Variants in PTPRN2 observed in about 807,000 individuals in gnomAD.
PTPRN2 encodes the protein protein tyrosine phosphatase receptor type N2, also known as receptor-type tyrosine-protein phosphatase N2.
Under a neutral mutation model 118.8 loss-of-function variants are expected in PTPRN2, and 74 were observed. The ratio of observed to expected loss-of-function variants is 0.62; its 90% confidence interval spans 0.52 to 0.76. The LOEUF (loss-of-function observed/expected upper bound fraction) is 0.76, where lower values mean the gene tolerates loss of function less well. Ranked by LOEUF, PTPRN2 falls within the 30% of genes least tolerant of loss-of-function variation. PTPRN2 has a pLI of 0.00. For synonymous variants in PTPRN2, 641 were observed against 608.0 expected, an observed-to-expected ratio of 1.05 and a Z score of -0.80; for missense variants, 1,481 against 1,394.4, an observed-to-expected ratio of 1.06 and a Z score of -0.99.
At chr7:158,210,229 G>A (rs1402133424) in intron 3 of PTPRN2, among the ~76,000 whole-genome samples, 12 of 140,974 alleles carry the variant, frequency 8.5e-5, no homozygotes, top group Non-Finnish European at 1.5e-4. Context: ...TCCGCCTCCC[G>A]GGTTCACGCC....
At chr7:157,948,864 T>C (rs1255223897) in intron 11 of PTPRN2, among the ~76,000 whole-genome samples, 2 of 152,204 alleles carry the variant, frequency 1.3e-5, no homozygotes, top group Admixed American at 6.5e-5. Flanking sequence ...ACAAGATGTG[T>C]TTGAATCATG....
chr7:158,027,117 C>G (rs1807335065), intron 11 of PTPRN2, among the ~76,000 whole-genome samples: 1 of 152,208 alleles, frequency 6.6e-6, no homozygotes, highest in African/African-American at 2.4e-5. Flanking sequence ...CCCACCCCAG[C>G]CCCAGGCAGA....
At chr7:158,331,060 C>T (rs200956073) in intron 2 of PTPRN2, among the ~76,000 whole-genome samples, 17 of 143,464 alleles carry the variant, frequency 1.2e-4, no homozygotes, top group African/African-American at 3.4e-4. Flanking sequence ...GCAGACGTCA[C>T]TCACACCCAC....
chr7:158,505,673 G>A (rs1822691956), intron 1 of PTPRN2, among the ~76,000 whole-genome samples: 1 of 147,006 alleles, frequency 6.8e-6, no homozygotes, highest in Non-Finnish European at 1.5e-5. Flanking sequence ...ATGGGGAGAG[G>A]AAGAGGAAGA....
At chr7:158,113,707 G>C (rs1241098173) in intron 9 of PTPRN2, among the ~76,000 whole-genome samples, 1 of 152,184 alleles carries the variant, frequency 6.6e-6, no homozygotes, top group Non-Finnish European at 1.5e-5. Flanking sequence ...TGGGGACAGA[G>C]AGACGCATTG....
At chr7:158,244,827 A>G (rs1796109519) in intron 3 of PTPRN2, among the ~76,000 whole-genome samples, 1 of 92,150 alleles carries the variant, frequency 1.1e-5, no homozygotes, top group African/African-American at 4.4e-5. Context: ...TATGAGTGTG[A>G]GTTGTGCACA....
At chr7:157,882,592 G>A (rs770905821) in intron 12 of PTPRN2, among the ~76,000 whole-genome samples, 3 of 147,372 alleles carry the variant, frequency 2.0e-5, no homozygotes, top group Non-Finnish European at 4.5e-5. Flanking sequence ...AATGACTGTC[G>A]AAGACCAGAA....
At chr7:158,117,340 A>T (rs1391961485) in intron 9 of PTPRN2, among the ~76,000 whole-genome samples, 1 of 152,190 alleles carries the variant, frequency 6.6e-6, no homozygotes, top group Non-Finnish European at 1.5e-5. Flanking sequence ...GTGAACTTGA[A>T]GATAGGACAA....
intron 12 of PTPRN2, among the ~76,000 whole-genome samples, chr7:157,760,326 G>C (rs909277047): frequency 6.6e-6 from 1 of 151,764 alleles, no homozygotes; most frequent in African/African-American, 2.4e-5. Flanking sequence ...GCTTTGCAGA[G>C]AAGTGAACTC....
intron 12 of PTPRN2, among the ~76,000 whole-genome samples, chr7:157,822,104 CCATCCACT>C (rs1806880410): frequency 6.6e-6 from 1 of 152,014 alleles, no homozygotes; most frequent in Non-Finnish European, 1.5e-5. Context: ...ATACACTCAT[CCATCCACT>C]CATCCACTAT....
rs1306579951 is a variant in PTPRN2 at position 158,274,187 on chromosome 7, C to T, written c.277+42632G>A. 4.0e-5 allele frequency among the ~76,000 whole-genome samples: 4 copies of T among 99,682 alleles called. No homozygotes were observed. In the East Asian group the frequency reaches 9.0e-4, roughly 23 times the overall value. 65.4% of individuals were successfully genotyped at this position (99,682 alleles called of 152,430 possible). A position where few individuals can be genotyped will look rare whatever the true frequency, so the allele number is the denominator to read the frequency against. On this transcript the variant is annotated intron_variant, in intron 3 of 22. Transcript: ENST00000389418. ...AGCCGCAGACACAGGAGGAGACACA[C>T]GAGGAGCCGCAGACACAGGGGGAGC...
intron 14 of PTPRN2, among the ~76,000 whole-genome samples, chr7:157,624,294 G>A (rs756103895): frequency 1.3e-5 from 2 of 151,998 alleles, no homozygotes; most frequent in East Asian, 1.9e-4. Flanking sequence ...GGTGGCGGGC[G>A]CCTCTAAGCC....
At chr7:158,216,437 T>TA (rs530293497) in intron 3 of PTPRN2, among the ~76,000 whole-genome samples, 195 of 151,854 alleles carry the variant, frequency 1.3e-3, no homozygotes, top group African/African-American at 4.2e-3. Context: ...GGGTTTTTTT[T>TA]AAAAAAAGAC....
chr7:157,898,621 C>A, intron 12 of PTPRN2, 52 bp downstream of exon 12: 1 of 1,504,152 alleles, frequency 6.6e-7, no homozygotes, highest in South Asian at 1.1e-5. Context: ...TTCGCCAGCA[C>A]CCAGACAGCA....
intron 19 of PTPRN2, 140 bp downstream of exon 19, chr7:157,576,473 C>G: frequency 3.4e-6 from 3 of 878,264 alleles, no homozygotes; most frequent in Non-Finnish European, 1.7e-6. Context: ...TCCCGCCTCT[C>G]GCTTCCCTTC....
rs771068469 is a variant in PTPRN2, at chr7:157,987,615, G to C, written c.1724-88878C>G. 6.6e-6 allele frequency among the ~76,000 whole-genome samples: 1 copy of C among 152,144 alleles called. No homozygotes were observed. Among genetic ancestry groups the C allele is most frequent in the Non-Finnish European group, 1.5e-5 (1 of 68,028 alleles). ...TGGATGCTGAATAGCTGGAGGAAGCGGCCTGCTGGTTTTGTTCACACTGGG... is the reference window on the plus strand; with the variant it reads ...TGGATGCTGAATAGCTGGAGGAAGCCGCCTGCTGGTTTTGTTCACACTGGG... On this transcript the variant is annotated intron_variant, in intron 11 of 22. Coordinates refer to ENST00000389418, the MANE Select transcript of PTPRN2 (RefSeq NM_002847.5). The surrounding 1 kb of genome is among the most constrained non-coding windows in gnomAD (Gnocchi z 4.3).
intron 12 of PTPRN2, among the ~76,000 whole-genome samples, chr7:157,827,643 A>T (rs1040284477): frequency 2.6e-5 from 4 of 152,196 alleles, no homozygotes; most frequent in African/African-American, 9.6e-5. Flanking sequence ...CCCCTCCGGC[A>T]TTTGGGGGAA....
intron 2 of PTPRN2, among the ~76,000 whole-genome samples, chr7:158,407,037 C>G (rs902975309): frequency 6.6e-6 from 1 of 152,192 alleles, no homozygotes; most frequent in Non-Finnish European, 1.5e-5. Flanking sequence ...GCAAGGAACC[C>G]TCCAGGGAGA....
intron 10 of PTPRN2, among the ~76,000 whole-genome samples, chr7:158,106,184 T>C (rs781211120): frequency 1.3e-5 from 2 of 152,004 alleles, no homozygotes; most frequent in Non-Finnish European, 2.9e-5. Flanking sequence ...CCTTCCCTGA[T>C]CTATCTTAGC....
Sources: allele counts gnomAD v4.1 joint callset (sites outside exome capture counted in the v4.1 genomes callset), GRCh38; gene constraint gnomAD v4.1.1; non-coding constraint Gnocchi (gnomAD v3.1); transcripts MANE v1.5; gene names NCBI Gene and HGNC (gene_info 2026-07-23, HGNC 2026-07-21).